The following SOX5 variants were observed in gnomAD, a reference collection of about 807,000 sequenced individuals.
SOX5 encodes the protein SRY-box transcription factor 5.
Under a neutral mutation model 92.0 loss-of-function variants are expected in SOX5, and 9 were observed. The observed-to-expected ratio is 0.10, with a 90% confidence interval of 0.06 to 0.17. The LOEUF (loss-of-function observed/expected upper bound fraction) is 0.17, where lower values mean the gene tolerates loss of function less well. Ranked by LOEUF, SOX5 falls within the 10% of genes least tolerant of loss-of-function variation. The pLI is 1.00. For synonymous variants in SOX5, 344 were observed against 336.3 expected, an observed-to-expected ratio of 1.02 and a Z score of -0.25; for missense variants, 642 against 944.5, an observed-to-expected ratio of 0.68 and a Z score of 4.20.
At chr12:23,796,138 C>T (rs978592643) in intron 3 of SOX5, among the ~76,000 whole-genome samples, 2 of 152,086 alleles carry the variant, frequency 1.3e-5, no homozygotes, top group Non-Finnish European at 2.9e-5. Context: ...TATAATGAAT[C>T]CATGGTGTTT....
chr12:23,673,543 AAT>A (rs1032447398), intron 6 of SOX5, among the ~76,000 whole-genome samples: 1 of 152,178 alleles, frequency 6.6e-6, no homozygotes, highest in African/African-American at 2.4e-5. Context: ...CATGAAATAT[AAT>A]ATAGTTTTCA....
At chr12:23,642,558 C>A (rs966065886) in intron 7 of SOX5, among the ~76,000 whole-genome samples, 1 of 152,144 alleles carries the variant, frequency 6.6e-6, no homozygotes, top group Non-Finnish European at 1.5e-5. Flanking sequence ...TAGTTATAGC[C>A]CAGTCCCTGT....
intron 4 of SOX5, among the ~76,000 whole-genome samples, chr12:24,005,654 T>A (rs1437216211): frequency 6.6e-6 from 1 of 152,220 alleles, no homozygotes; most frequent in Non-Finnish European, 1.5e-5. Context: ...CCTCATGATA[T>A]TTCTTTAAAA....
chr12:24,378,342 TC>T (rs1367779042), intron 1 of SOX5, among the ~76,000 whole-genome samples: 1 of 152,250 alleles, frequency 6.6e-6, no homozygotes, highest in African/African-American at 2.4e-5. Flanking sequence ...TTTTCTTCAT[TC>T]TATTTTGCAT....
At chr12:23,661,943 C>CAGT (rs1311403599) in intron 7 of SOX5, among the ~76,000 whole-genome samples, 1 of 152,100 alleles carries the variant, frequency 6.6e-6, no homozygotes, top group African/African-American at 2.4e-5. Context: ...ATCTCTTATA[C>CAGT]AGTCTGGTGT....
At chr12:23,594,650 T>A (rs1952080660) in intron 9 of SOX5, among the ~76,000 whole-genome samples, 1 of 152,122 alleles carries the variant, frequency 6.6e-6, no homozygotes, top group Non-Finnish European at 1.5e-5. Flanking sequence ...AGAAAATATA[T>A]CATTTATCTT....
chr12:23,800,819 T>TA (rs2095647310), intron 3 of SOX5, among the ~76,000 whole-genome samples: 1 of 152,140 alleles, frequency 6.6e-6, no homozygotes, highest in Admixed American at 6.5e-5. Context: ...CAACACCATA[T>TA]ATATAGCCTT....
intron 4 of SOX5, among the ~76,000 whole-genome samples, chr12:24,045,091 A>G (rs1053500587): frequency 4.6e-5 from 7 of 152,182 alleles, no homozygotes; most frequent in Non-Finnish European, 7.3e-5. Flanking sequence ...ATGGCCATGC[A>G]TAGCCTCAAA....
intron 6 of SOX5, among the ~76,000 whole-genome samples, chr12:23,680,048 G>T (rs553988703): frequency 2.6e-5 from 4 of 151,646 alleles, no homozygotes; most frequent in African/African-American, 9.7e-5. Context: ...ATAACAGGCC[G>T]GGCATGGTGG....
At chr12:23,627,553 G>A (rs1406560560) in intron 8 of SOX5, among the ~76,000 whole-genome samples, 2 of 151,994 alleles carry the variant, frequency 1.3e-5, no homozygotes, top group Non-Finnish European at 2.9e-5. Flanking sequence ...CAGCTAATGA[G>A]GCTGAATGCT....
At chr12:24,115,565 G>A (rs890207685) in intron 4 of SOX5, among the ~76,000 whole-genome samples, 32 of 152,154 alleles carry the variant, frequency 2.1e-4, no homozygotes, top group African/African-American at 7.5e-4. Context: ...CTCCCTGTTG[G>A]GGGAGGGAAG....
chr12:24,013,923 T>C (rs975364604), intron 4 of SOX5, among the ~76,000 whole-genome samples: 5 of 152,170 alleles, frequency 3.3e-5, no homozygotes, highest in African/African-American at 1.2e-4. Context: ...ACAGCTGTTC[T>C]AGATGGCTAG....
At chr12:23,606,968 C>T (rs561319846) in intron 8 of SOX5, among the ~76,000 whole-genome samples, 9 of 152,184 alleles carry the variant, frequency 5.9e-5, no homozygotes, top group African/African-American at 1.9e-4. Flanking sequence ...AATACAGAGA[C>T]GGAATGTAAT....
chr12:24,047,497 T>C (rs898161338), intron 4 of SOX5, among the ~76,000 whole-genome samples: 15 of 152,174 alleles, frequency 9.9e-5, no homozygotes, highest in Non-Finnish European at 1.5e-4. Flanking sequence ...GTAAGCACAG[T>C]TTATGCTGAA....
chr12:23,959,141 A>G (rs896599735), intron 4 of SOX5, among the ~76,000 whole-genome samples: 2 of 151,920 alleles, frequency 1.3e-5, no homozygotes, highest in African/African-American at 4.8e-5. Flanking sequence ...TTAAAATACT[A>G]TCATATTTAA....
At chr12:24,359,620 C>T (rs1399126849) in intron 2 of SOX5, among the ~76,000 whole-genome samples, 1 of 152,218 alleles carries the variant, frequency 6.6e-6, no homozygotes, top group Non-Finnish European at 1.5e-5. Context: ...CAACATATTG[C>T]ATTCCAATAA....
At chr12:23,993,893 ATG>A (rs1214924250) in intron 4 of SOX5, among the ~76,000 whole-genome samples, 1 of 151,166 alleles carries the variant, frequency 6.6e-6, no homozygotes, top group African/African-American at 2.4e-5. Context: ...GTATGTATGT[ATG>A]TATGTATGTA....
chr12:23,821,433 C>G (rs528953037), intron 3 of SOX5, among the ~76,000 whole-genome samples: 240 of 152,300 alleles, frequency 1.6e-3, no homozygotes, highest in African/African-American at 5.7e-3. Flanking sequence ...TCTTGCCTGA[C>G]TGCCCTGGCC....
intron 1 of SOX5, among the ~76,000 whole-genome samples, chr12:24,409,457 G>GA (rs1239074485): frequency 4.6e-5 from 7 of 151,692 alleles, no homozygotes; most frequent in African/African-American, 9.7e-5. Flanking sequence ...TTTTTTTTTA[G>GA]AAAAAATAAT....
Sources: gnomAD v4.1 joint callset for allele counts (sites outside exome capture counted in the v4.1 genomes callset) on GRCh38, gnomAD v4.1.1 for gene constraint, MANE v1.5 for transcripts, NCBI Gene and HGNC (gene_info 2026-07-23, HGNC 2026-07-21) for gene names.